TUT4: variants seen among roughly 807,000 people sequenced by gnomAD.
The protein encoded by TUT4 is terminal uridylyltransferase 4.
TUT4 carries 36 observed loss-of-function variants against 192.2 expected under a neutral mutation model. That is an observed-to-expected ratio of 0.19 (90% CI 0.14 to 0.25). The LOEUF is 0.25. Among genes scored for constraint, TUT4 ranks in the 10% least tolerant of loss-of-function variants. The pLI is 1.00. For synonymous variants in TUT4, 618 were observed against 666.0 expected (o/e 0.93, Z 1.11); for missense variants, 1,493 against 1,957.2 (o/e 0.76, Z 4.47).
chr1:52,482,028 A>G, intron 9 of TUT4, 105 bp from the exon 10 acceptor site: 1 of 929,956 alleles, frequency 1.1e-6, no homozygotes, highest in Non-Finnish European at 1.5e-6. Context: ...AGTTCAAATG[A>G]CAATGAAAAA....
intron 20 of TUT4, among the ~76,000 whole-genome samples, chr1:52,456,463 C>A (rs1000057276): frequency 7.5e-3 from 299 of 39,962 alleles, no homozygotes; most frequent in Middle Eastern, 0.033. Flanking sequence ...AGAGGTTCAA[C>A]AAAAAAGTCT....
chr1:52,546,812 A>G (rs1367604239), intron 1 of TUT4, among the ~76,000 whole-genome samples: 1 of 152,150 alleles, frequency 6.6e-6, no homozygotes, highest in Non-Finnish European at 1.5e-5. Context: ...ACAAAATGAG[A>G]CAGCATTTTT....
At chr1:52,464,940 AAC>A (rs1468710960) in intron 16 of TUT4, 128 bp downstream of exon 16, 1 of 612,382 alleles carries the variant, frequency 1.6e-6, no homozygotes, top group Non-Finnish European at 2.6e-6. Context: ...TCATATTTCA[AAC>A]ACTTATTTTG....
At chr1:52,490,661 A>G in intron 8 of TUT4, 71 bp downstream of exon 8, 1 of 1,353,664 alleles carries the variant, frequency 7.4e-7, no homozygotes, top group South Asian at 1.3e-5. Flanking sequence ...TTTTTCTCTT[A>G]AAGATCATTC....
At chr1:52,528,826 T>A (rs957703617) in intron 1 of TUT4, among the ~76,000 whole-genome samples, 2 of 152,102 alleles carry the variant, frequency 1.3e-5, no homozygotes, top group African/African-American at 4.8e-5. Flanking sequence ...ATGATCCTCC[T>A]GCCTCAGCCT....
At position 52,496,994 on chromosome 1, in the gene TUT4, A is replaced by G; in HGVS notation, c.1177+12T>C. 6.2e-7 allele frequency: 1 copy of G among 1,609,198 alleles called. No homozygotes were observed. The highest frequency in any genetic ancestry group is 8.5e-7 in the Non-Finnish European group (1 of 1,178,456). ...TGTGATTTTCAAAATCAAATATGAAATGTATTTCTACCTGGTAAAAATGTC... is the reference window on the plus strand; with the variant it reads ...TGTGATTTTCAAAATCAAATATGAAGTGTATTTCTACCTGGTAAAAATGTC... On this transcript the variant is annotated intron_variant, in intron 5 of 29. Transcript: ENST00000257177.
chr1:52,454,209 G>T (rs1660228609), intron 20 of TUT4, among the ~76,000 whole-genome samples: 1 of 152,098 alleles, frequency 6.6e-6, no homozygotes, highest in African/African-American at 2.4e-5. Flanking sequence ...TCATTTTGTG[G>T]ATATAGACAA....
chr1:52,543,482 ATTT>A (rs60108324), intron 1 of TUT4, among the ~76,000 whole-genome samples: 29 of 134,952 alleles, frequency 2.1e-4, no homozygotes, highest in South Asian at 2.3e-4. Flanking sequence ...AAAAGACTTA[ATTT>A]TTTTTTTTTT....
intron 1 of TUT4, among the ~76,000 whole-genome samples, chr1:52,540,932 G>A (rs759352924): frequency 7.2e-5 from 11 of 152,138 alleles, no homozygotes; most frequent in Non-Finnish European, 1.3e-4. Context: ...CTGGCCAGAC[G>A]CAGTGGCTCA....
In TUT4 at chr1:52,488,938, A is replaced by G; in HGVS notation, c.1486T>C (p.Leu496=). The part of the protein sequence containing the change: ...LGKIEPVFIP[L]VLAFRYWAKL... ...GCCCAGTAGCGAAAGGCTAACACCA[A>G]GGGAATAAAGACAGGTTCTATTTTG... The change falls in exon 9 of 30, where the codon TTG becomes CTG. Residue 496 remains leucine (L), a synonymous_variant. Transcript: ENST00000257177. 6.2e-7 allele frequency: 1 copy of G among 1,613,756 alleles called. No homozygotes were observed. The highest frequency in any genetic ancestry group is 8.5e-7 in the Non-Finnish European group (1 of 1,179,824).
At chr1:52,521,422 T>C (rs1250563159) in intron 2 of TUT4, among the ~76,000 whole-genome samples, 2 of 152,102 alleles carry the variant, frequency 1.3e-5, no homozygotes, top group Non-Finnish European at 2.9e-5. Flanking sequence ...CCCAGCACTT[T>C]GGGAGGCCGA....
Position 52,423,675 on chromosome 1 carries a change from C to A in TUT4, c.*260G>T. On this transcript the variant is annotated 3_prime_UTR_variant, in exon 30 of 30. Coordinates refer to ENST00000257177, the MANE Select transcript of TUT4 (RefSeq NM_001009881.3). Reference sequence around the variant, plus strand: ...GTAATAAAATAGATGAAATTTGTATCACTCAATTTGGTGATACTAGTAAAA... The same window carrying A: ...GTAATAAAATAGATGAAATTTGTATAACTCAATTTGGTGATACTAGTAAAA... The A allele has an allele frequency of 1.6e-6, 1 of 634,458 alleles. No homozygotes were observed. Among genetic ancestry groups the A allele is most frequent in the East Asian group, 3.8e-5 (1 of 26,210 alleles). The allele number at this position is 634,458 out of a possible 1,614,324, so 39.3% of individuals were successfully genotyped here.
chr1:52,498,453 C>G (rs557773081), intron 4 of TUT4, among the ~76,000 whole-genome samples: 1 of 152,056 alleles, frequency 6.6e-6, no homozygotes, highest in African/African-American at 2.4e-5. Context: ...ACCGTGTTAG[C>G]CAGTATGGTC....
rs1681749562 is a variant in TUT4 at position 52,526,379 on chromosome 1, G to A, written c.-93-6C>T. 2 of 1,094,836 alleles carry A rather than the reference G, an allele frequency of 1.8e-6. No homozygotes were observed. Among genetic ancestry groups the A allele is most frequent in the Non-Finnish European group, 2.4e-6 (2 of 851,000 alleles). 67.8% of individuals were successfully genotyped at this position (1,094,836 alleles called of 1,614,324 possible). On this transcript the variant is annotated splice_polypyrimidine_tract_variant and splice_region_variant and intron_variant, in intron 1 of 29. Transcript: ENST00000257177. ...GTCCAGTTTAGGCAAGCAAACTATTGGGTTAAAAAAAAGAGAAAAATCTGT... is the reference window on the plus strand; with the variant it reads ...GTCCAGTTTAGGCAAGCAAACTATTAGGTTAAAAAAAAGAGAAAAATCTGT...
At chr1:52,462,045 A>G (rs1662705543) in intron 16 of TUT4, 1 of 280,614 alleles carries the variant, frequency 3.6e-6, no homozygotes, top group Admixed American at 4.9e-5. Context: ...AAAGTTTGAG[A>G]AGCACAAAGA....
chr1:52,451,138 C>T (rs1377947930), intron 20 of TUT4, among the ~76,000 whole-genome samples: 1 of 151,850 alleles, frequency 6.6e-6, no homozygotes, highest in Non-Finnish European at 1.5e-5. Flanking sequence ...TGGTGGTGGG[C>T]GCCTTTAGTC....
intron 3 of TUT4, among the ~76,000 whole-genome samples, chr1:52,513,901 G>A (rs1291911584): frequency 5.3e-5 from 8 of 151,994 alleles, no homozygotes; most frequent in Admixed American, 4.6e-4. Flanking sequence ...AACACCTAGC[G>A]CATAGGGCTG....
intron 14 of TUT4, among the ~76,000 whole-genome samples, chr1:52,469,415 T>C (rs957127451): frequency 3.3e-5 from 5 of 152,218 alleles, no homozygotes; most frequent in East Asian, 1.9e-4. Context: ...CACAGGGGTA[T>C]TGGTTAACAG....
chr1:52,500,961 T>TA (rs1397101265), intron 4 of TUT4, among the ~76,000 whole-genome samples: 1 of 151,932 alleles, frequency 6.6e-6, no homozygotes. Context: ...AACCTACACT[T>TA]ATAGCTATAA....
Sources: allele counts gnomAD v4.1 joint callset (sites outside exome capture counted in the v4.1 genomes callset), GRCh38; gene constraint gnomAD v4.1.1; transcripts MANE v1.5; gene names NCBI Gene and HGNC (gene_info 2026-07-23, HGNC 2026-07-21).